FOXP1: variants seen among roughly 807,000 people sequenced by gnomAD.
The protein encoded by FOXP1 is forkhead box P1, also known as forkhead box protein P1.
In FOXP1, 15 loss-of-function variants were observed where a neutral mutation model predicts 98.2. The observed-to-expected ratio is 0.15, with a 90% CI of 0.10 to 0.24. The LOEUF (loss-of-function observed/expected upper bound fraction) is 0.24. FOXP1 is among the 10% of genes least tolerant of loss of function. The pLI is 1.00. For missense variants in FOXP1, 633 were observed against 848.5 expected (o/e 0.75, Z 3.15); for synonymous variants, 371 against 314.5 (o/e 1.18, Z -1.90).
chr3:71,539,582 G>A (rs2044626330), intron 2 of FOXP1, among the ~76,000 whole-genome samples: 1 of 151,542 alleles, frequency 6.6e-6, no homozygotes, highest in South Asian at 2.1e-4. Flanking sequence ...GTGCCACCTT[G>A]ATAACAATAA....
At chr3:71,046,791 TG>T in intron 10 of FOXP1, 150 bp downstream of exon 10, 2 of 962,368 alleles carry the variant, frequency 2.1e-6, no homozygotes. Flanking sequence ...ACCTTCTACA[TG>T]GGTCCATCAT....
In FOXP1 at chr3:70,958,211, A is replaced by AAAAG. The variant is rs750931869; in HGVS notation, c.*1032_*1035dup. On this transcript the variant is annotated 3_prime_UTR_variant, in exon 21 of 21. Transcript: ENST00000649528. ...ATGGTTGCTGCAAAAAAAAAAAAAG[A>AAAAG]AAAGAAAAGAAAAAAAGAAAATCCG... 3 of 466,030 alleles carry AAAAG rather than the reference A, an allele frequency of 6.4e-6. No homozygotes were observed. Among genetic ancestry groups the AAAAG allele is most frequent in the African/African-American group, 4.1e-5 (2 of 48,760 alleles). The allele number at this position is 466,030 out of a possible 1,614,324, so 28.9% of individuals were successfully genotyped here.
chr3:71,250,947 GA>G (rs199671006), intron 5 of FOXP1, among the ~76,000 whole-genome samples: 21 of 150,380 alleles, frequency 1.4e-4, no homozygotes, highest in East Asian at 1.4e-3. Flanking sequence ...AAGAAAGAAA[GA>G]AAAAAAAATG....
chr3:71,423,805 A>G (rs765177996), intron 3 of FOXP1, among the ~76,000 whole-genome samples: 14 of 152,034 alleles, frequency 9.2e-5, no homozygotes, highest in East Asian at 1.9e-4. Context: ...CGCCCATTCT[A>G]TGTGTGATCT....
At chr3:71,010,013 C>T (rs2043359438) in intron 12 of FOXP1, among the ~76,000 whole-genome samples, 1 of 151,378 alleles carries the variant, frequency 6.6e-6, no homozygotes, top group Non-Finnish European at 1.5e-5. Context: ...ACCTTAGCCT[C>T]CAAATGCATT....
At chr3:71,002,534 A>G (rs923964491) in intron 12 of FOXP1, among the ~76,000 whole-genome samples, 1 of 152,192 alleles carries the variant, frequency 6.6e-6, no homozygotes, top group Admixed American at 6.5e-5. Context: ...TGGGGTGAAT[A>G]ATATTTTACA....
intron 5 of FOXP1, among the ~76,000 whole-genome samples, chr3:71,238,545 C>T (rs768408015): frequency 3.9e-5 from 6 of 152,198 alleles, no homozygotes; most frequent in Non-Finnish European, 7.3e-5. Flanking sequence ...CCAGACCTAA[C>T]AGCTGTCTGA....
At chr3:71,387,081 T>C (rs1040128614) in intron 3 of FOXP1, among the ~76,000 whole-genome samples, 5 of 152,180 alleles carry the variant, frequency 3.3e-5, no homozygotes, top group Admixed American at 6.5e-5. Flanking sequence ...GAGCCAGAAA[T>C]CCCCTAACCC....
chr3:71,091,097 CTGTGTGTGTG>C (rs1191628935), intron 7 of FOXP1, among the ~76,000 whole-genome samples: 1 of 132,512 alleles, frequency 7.5e-6, no homozygotes, highest in African/African-American at 2.8e-5. Flanking sequence ...GTGCCAGATT[CTGTGTGTGTG>C]TGTGTGTGTG....
intron 4 of FOXP1, among the ~76,000 whole-genome samples, chr3:71,346,662 A>G (rs1275546736): frequency 1.3e-5 from 2 of 152,104 alleles, no homozygotes; most frequent in Non-Finnish European, 2.9e-5. Flanking sequence ...ATCTCAAGGG[A>G]TGCTTGAAAA....
intron 14 of FOXP1, among the ~76,000 whole-genome samples, chr3:70,987,522 C>T (rs2039942902): frequency 6.6e-6 from 1 of 152,220 alleles, no homozygotes; most frequent in South Asian, 2.1e-4. Flanking sequence ...CACTAGGTTT[C>T]CTATGTCTTT....
intron 11 of FOXP1, among the ~76,000 whole-genome samples, chr3:71,025,660 G>A (rs998209030): frequency 6.6e-6 from 1 of 152,172 alleles, no homozygotes; most frequent in African/African-American, 2.4e-5. Context: ...AAGGCTGAAG[G>A]AAGTTAGCAC....
At chr3:71,582,438 A>G in intron 1 of FOXP1, 2 of 985,196 alleles carry the variant, frequency 2.0e-6, no homozygotes, top group Non-Finnish European at 2.4e-6. Context: ...GGCTCCAGGG[A>G]GTCGTCTCGG....
intron 6 of FOXP1, among the ~76,000 whole-genome samples, chr3:71,118,577 C>G (rs936864764): frequency 6.6e-6 from 1 of 152,086 alleles, no homozygotes; most frequent in Admixed American, 6.5e-5. Flanking sequence ...TCTGAGATAA[C>G]CAACTGACAC....
At chr3:71,389,893 T>G (rs2108114549) in intron 3 of FOXP1, among the ~76,000 whole-genome samples, 1 of 152,088 alleles carries the variant, frequency 6.6e-6, no homozygotes, top group Admixed American at 6.5e-5. Context: ...AAAATCTGTT[T>G]CCTCAAACCA....
chr3:71,018,125 C>G, intron 11 of FOXP1, among the ~76,000 whole-genome samples: 1 of 152,256 alleles, frequency 6.6e-6, no homozygotes, highest in Middle Eastern at 3.4e-3. Context: ...GTTTTGGACT[C>G]GAAATGTGTA....
In FOXP1 at chr3:70,958,982, G is replaced by C; in HGVS notation, c.*265C>G. 4.3e-6 allele frequency: 2 copies of C among 462,520 alleles called. No homozygotes were observed. Among genetic ancestry groups the C allele is most frequent in the Non-Finnish European group, 8.0e-6 (2 of 250,518 alleles). The allele number at this position is 462,520 out of a possible 1,614,324, so 28.7% of individuals were successfully genotyped here. On this transcript the variant is annotated 3_prime_UTR_variant, in exon 21 of 21. Transcript: ENST00000649528. The stretch of plus-strand genomic sequence containing the variant: ...ACAACACTGATGTTGACGGTTAAGA[G>C]AGGAAAATCCCAAGTACCAAACAAG...
intron 3 of FOXP1, among the ~76,000 whole-genome samples, chr3:71,387,868 T>A (rs1467237994): frequency 6.6e-6 from 1 of 152,180 alleles, no homozygotes; most frequent in Non-Finnish European, 1.5e-5. Context: ...TGAAAAAAAG[T>A]TTGTAACTGT....
chr3:71,465,994 G>T (rs193137146), intron 3 of FOXP1, among the ~76,000 whole-genome samples: 1 of 152,056 alleles, frequency 6.6e-6, no homozygotes. Flanking sequence ...CCAACCCCTC[G>T]CATCCATGGA....
Sources: gnomAD v4.1 joint callset for allele counts (sites outside exome capture counted in the v4.1 genomes callset) on GRCh38, gnomAD v4.1.1 for gene constraint, MANE v1.5 for transcripts, NCBI Gene and HGNC (gene_info 2026-07-23, HGNC 2026-07-21) for gene names.